SHOX: variants seen among roughly 807,000 people sequenced by gnomAD.
SHOX encodes short stature homeobox protein.
SHOX carries 12 observed loss-of-function variants against 29.6 expected under a neutral mutation model. That is an observed-to-expected ratio of 0.41 (90% CI 0.26 to 0.66). SHOX has a LOEUF of 0.66. Among genes scored for constraint, SHOX ranks in the 30% least tolerant of loss-of-function variants. The pLI, the probability that SHOX is intolerant of heterozygous loss-of-function variation, is 0.35. For synonymous variants in SHOX, 214 were observed against 200.6 expected (o/e 1.07, Z -0.57); for missense variants, 499 against 437.7 (o/e 1.14, Z -1.25).
chrX:631,626 G>T (rs1355729917), intron 1 of SHOX, among the ~76,000 whole-genome samples: 2 of 152,302 alleles, frequency 1.3e-5, no homozygotes, highest in Non-Finnish European at 2.9e-5. Context: ...CTGCCTCCTG[G>T]GTTCAAGCGA....
exon 6 of SHOX, chrX:658,938 T>C (rs2053188156): frequency 4.1e-6 from 1 of 245,546 alleles, no homozygotes; most frequent in Non-Finnish European, 8.4e-6. Context: ...ATAATGTTTG[T>C]ATTTTCAGTA....
chrX:634,596 G>A lies in SHOX; in HGVS notation c.278-22G>A, dbSNP rs765073824. 9.9e-6 allele frequency: 16 copies of A among 1,611,996 alleles called. No individual in the cohort carries two copies. In the South Asian group the frequency reaches 1.8e-4, roughly 18 times the overall value. ...GCAAAACCTCCCCGGCCTCAGCCCT[G>A]TGCCCTCCGCTCCCCACGCAGGGAT... is the stretch of plus-strand genomic sequence containing the variant. On this transcript the variant is annotated intron_variant, in intron 1 of 4. Transcript: ENST00000686671.
At chrX:656,942 T>A (rs867886706) in intron 5 of SHOX, among the ~76,000 whole-genome samples, 57 of 13,884 alleles carry the variant, frequency 4.1e-3, no homozygotes, top group South Asian at 0.014. Context: ...AAAAAAAAAA[T>A]GCTGCCCAAG....
chrX:658,826 A>G lies in SHOX; in HGVS notation c.675A>G (p.Ala225=), dbSNP rs754593305. ...GTCGCCCGGGCTGGAGTATAATGGC[A>G]TGATCTCGACTCACTGCAACCTCCG... Residue 225 remains alanine, a synonymous_variant, in exon 6 of 6, where the codon GCA becomes GCG. Coordinates refer to the SHOX transcript ENST00000334060. 4.8e-4 allele frequency: 194 copies of G among 402,372 alleles called. No individual in the cohort carries two copies. The highest frequency in any genetic ancestry group is 1.8e-3 in the African/African-American group (79 of 43,810). 24.9% of individuals were successfully genotyped at this position (402,372 alleles called of 1,614,324 possible).
chrX:630,277 C>A (rs1350678499), upstream of SHOX, among the ~76,000 whole-genome samples: 1 of 148,722 alleles, frequency 6.7e-6, no homozygotes, highest in Admixed American at 6.8e-5. Flanking sequence ...CTCATCTTCT[C>A]CCAAGATCGT....
chrX:650,008 C>G lies in SHOX; in HGVS notation c.*5372C>G, dbSNP rs772889597. The G allele has an allele frequency of 4.4e-6, 2 of 455,934 alleles. No individual in the cohort carries two copies. The highest frequency in any genetic ancestry group is 2.0e-5 in the African/African-American group (1 of 50,058). The allele number at this position is 455,934 out of a possible 1,614,324, so 28.2% of individuals were successfully genotyped here. A position where few individuals can be genotyped will look rare whatever the true frequency, so the allele number is the denominator to read the frequency against. On this transcript the variant is annotated 3_prime_UTR_variant, in exon 5 of 5. Transcript: ENST00000686671. ...TTAGATTTTCTTTCTCCGTTCGAGT[C>G]TCTGACTGGTGCATACTTTGCAAAG... is the stretch of plus-strand genomic sequence containing the variant.
At chrX:655,602 CTCTCTCTCTCTCTATA>C (rs1212978866), downstream of SHOX, among the ~76,000 whole-genome samples, 69 of 43,298 alleles carry the variant, frequency 1.6e-3, no homozygotes, top group South Asian at 3.7e-3. Context: ...CTCTCTCTCT[CTCTCTCTCTCTCTATA>C]TATATATATA....
At chrX:657,422 T>C (rs1308108613) in intron 5 of SHOX, among the ~76,000 whole-genome samples, 2 of 152,140 alleles carry the variant, frequency 1.3e-5, no homozygotes, top group African/African-American at 4.8e-5. Context: ...GGGAGGAAGA[T>C]ATGTATTTAA....
chrX:653,753 G>A (rs745352336), downstream of SHOX, among the ~76,000 whole-genome samples: 14 of 152,156 alleles, frequency 9.2e-5, no homozygotes, highest in Non-Finnish European at 1.8e-4. Context: ...CACGGACTTC[G>A]CCTCCTGCTA....
chrX:635,127 T>G (rs2052722670), intron 2 of SHOX, among the ~76,000 whole-genome samples: 1 of 152,162 alleles, frequency 6.6e-6, no homozygotes, highest in Non-Finnish European at 1.5e-5. Context: ...TATAGATATT[T>G]GTTCGTCCTT....
chrX:651,417 A>C lies in SHOX; in HGVS notation c.*6781A>C, dbSNP rs1412826942. 2.2e-6 allele frequency: 1 copy of C among 453,944 alleles called. No homozygotes were observed. The highest frequency in any genetic ancestry group is 1.6e-5 in the South Asian group (1 of 63,728). 28.1% of individuals were successfully genotyped at this position (453,944 alleles called of 1,614,324 possible). A position where few individuals can be genotyped will look rare whatever the true frequency, so the allele number is the denominator to read the frequency against. On this transcript the variant is annotated 3_prime_UTR_variant, in exon 5 of 5. Coordinates refer to ENST00000686671, the MANE Select transcript of SHOX (RefSeq NM_000451.4). ...AAAAAACAAACAAACAAACAGAAAA[A>C]AAAACCAAAAAAAACCACCCTGAGT...
intron 5 of SHOX, among the ~76,000 whole-genome samples, chrX:657,708 C>G (rs1436755313): frequency 6.6e-6 from 1 of 152,262 alleles, no homozygotes; most frequent in South Asian, 2.1e-4. Context: ...TGAAAAGATG[C>G]CCTTCTCAGA....
rs1168989193 is a variant in SHOX, at chrX:645,390, A to ATTTTTTTTTTTTTTTTTTTTTTTTT, written c.*763_*787dup. ...GGGTCTGGTTTTGTTTTGGATTGGTATTTTTTTTTTTTTTTTTTTTTTTTT... is the reference window on the plus strand; with the variant it reads ...GGGTCTGGTTTTGTTTTGGATTGGTATTTTTTTTTTTTTTTTTTTTTTTTTTTTTTTTTTTTTTTTTTTTTTTTTT... On this transcript the variant is annotated 3_prime_UTR_variant, in exon 5 of 5. Coordinates refer to ENST00000686671, the MANE Select transcript of SHOX (RefSeq NM_000451.4). 1 of 78,332 alleles carries ATTTTTTTTTTTTTTTTTTTTTTTTT rather than the reference A, an allele frequency of 1.3e-5. No individual in the cohort carries two copies. Among genetic ancestry groups the ATTTTTTTTTTTTTTTTTTTTTTTTT allele is most frequent in the Non-Finnish European group, 2.4e-5 (1 of 42,278 alleles). The allele number at this position is 78,332 out of a possible 1,614,324, so 4.9% of individuals were successfully genotyped here. A position where few individuals can be genotyped will look rare whatever the true frequency, so the allele number is the denominator to read the frequency against.
downstream of SHOX, among the ~76,000 whole-genome samples, chrX:654,646 C>A (rs753366766): frequency 6.6e-6 from 1 of 152,088 alleles, no homozygotes; most frequent in Non-Finnish European, 1.5e-5. Context: ...TGCTCTCCTA[C>A]GGTTGAAGCT....
In SHOX at chrX:648,569, G is replaced by GAC. The variant is rs1164655370; in HGVS notation, c.*3933_*3934insAC. 6.6e-6 allele frequency among the ~76,000 whole-genome samples: 1 copy of GAC among 152,214 alleles called. No homozygotes were observed. Among genetic ancestry groups the GAC allele is most frequent in the East Asian group, 1.9e-4 (1 of 5,196 alleles). On this transcript the variant is annotated 3_prime_UTR_variant, in exon 5 of 5. Coordinates refer to ENST00000686671, the MANE Select transcript of SHOX (RefSeq NM_000451.4). ...AAAAGGGAGTTACTGACTCTCAACT[G>GAC]TGCGGGGACGGTTTCAGTTTGATTT... is the stretch of plus-strand genomic sequence containing the variant.
Position 650,875 on chromosome X carries a change from C to T in SHOX, c.*6239C>T, listed in dbSNP as rs1438175301. Among the ~76,000 whole-genome samples, 6 of 145,742 alleles carry T rather than the reference C, an allele frequency of 4.1e-5. No homozygotes were observed. The highest frequency in any genetic ancestry group is 7.6e-5 in the African/African-American group (3 of 39,462). On this transcript the variant is annotated 3_prime_UTR_variant, in exon 5 of 5. Coordinates refer to ENST00000686671, the MANE Select transcript of SHOX (RefSeq NM_000451.4). ...TTAGCGAGTATATGCTGATATTCTT[C>T]GACACACGTGGGTAAGTTGATGCCA... is the stretch of plus-strand genomic sequence containing the variant.
In SHOX at chrX:644,144, C is replaced by G. The variant is rs747376210; in HGVS notation, c.634-247C>G. Reference sequence around the variant, plus strand: ...GGGCGTTCCATTTGTGGACCCCCCTCCCATGCGCTTTGCAGGGAGCTGTTC... The same window carrying G: ...GGGCGTTCCATTTGTGGACCCCCCTGCCATGCGCTTTGCAGGGAGCTGTTC... On this transcript the variant is annotated intron_variant, in intron 4 of 4. Coordinates refer to ENST00000686671, the MANE Select transcript of SHOX (RefSeq NM_000451.4). Among the ~76,000 whole-genome samples, 4 of 152,286 alleles carry G rather than the reference C, an allele frequency of 2.6e-5. No homozygotes were observed. The South Asian group carries it at 8.3e-4, about 32-fold the overall frequency.
At position 635,862 on chromosome X, in the gene SHOX, GA is replaced by G. The variant is rs1388469937; in HGVS notation, c.486+1037del. Reference sequence around the variant, plus strand: ...CAGGACAGAAGTGGGGGGAGGGAGAGAGAGAGAGAGAGAGAGAGAGAGACGG... The same window carrying G: ...CAGGACAGAAGTGGGGGGAGGGAGAGGAGAGAGAGAGAGAGAGAGAGACGG... On this transcript the variant is annotated intron_variant, in intron 2 of 4. Coordinates refer to ENST00000686671, the MANE Select transcript of SHOX (RefSeq NM_000451.4). 9.4e-5 allele frequency among the ~76,000 whole-genome samples: 6 copies of G among 63,774 alleles called. No homozygotes were observed. In the South Asian group the frequency reaches 4.5e-3, roughly 48 times the overall value. 41.8% of individuals were successfully genotyped at this position (63,774 alleles called of 152,430 possible). A position where few individuals can be genotyped will look rare whatever the true frequency, so the allele number is the denominator to read the frequency against.
downstream of SHOX, among the ~76,000 whole-genome samples, chrX:656,432 A>G (rs1569496692): frequency 6.6e-6 from 1 of 151,600 alleles, no homozygotes; most frequent in Non-Finnish European, 1.5e-5. Context: ...AAATTTAGCC[A>G]GCTGTGCTGG....
Sources: gnomAD v4.1 joint callset for allele counts (sites outside exome capture counted in the v4.1 genomes callset) on GRCh38, gnomAD v4.1.1 for gene constraint, MANE v1.5 for transcripts, NCBI Gene and HGNC (gene_info 2026-07-23, HGNC 2026-07-21) for gene names.